RNF17: variants seen among roughly 807,000 people sequenced by gnomAD.
The protein encoded by RNF17 is spermatogenesis associated 23.
A neutral mutation model predicts 200.5 loss-of-function variants in RNF17; 31 were observed. The ratio of observed to expected loss-of-function variants is 0.15; its 90% CI spans 0.12 to 0.21. The LOEUF is 0.21. RNF17 is among the 10% of genes least tolerant of loss of function. RNF17 has a pLI of 1.00. For missense variants in RNF17, 1,628 were observed against 1,905.1 expected, an observed-to-expected ratio of 0.85 and a Z score of 2.71; for synonymous variants, 606 against 637.8, an observed-to-expected ratio of 0.95 and a Z score of 0.75.
chr13:24,780,102 ACT>A (rs1053169007), intron 5 of RNF17, among the ~76,000 whole-genome samples: 7 of 151,756 alleles, frequency 4.6e-5, no homozygotes, highest in Admixed American at 6.6e-5. Context: ...TCCAAAAGAG[ACT>A]CTCTCATTTG....
At chr13:24,832,067 T>G in intron 18 of RNF17, 89 bp downstream of exon 18, 1 of 949,860 alleles carries the variant, frequency 1.1e-6, no homozygotes, top group Non-Finnish European at 1.5e-6. Context: ...ATAAATTCAG[T>G]GTGCCATCAG....
chr13:24,795,594 C>G (rs996573662), intron 10 of RNF17, among the ~76,000 whole-genome samples: 1 of 152,150 alleles, frequency 6.6e-6, no homozygotes, highest in African/African-American at 2.4e-5. Context: ...ACGCATTCCC[C>G]TAAATGCTGC....
chr13:24,837,988 C>G (rs1222289875), intron 18 of RNF17, among the ~76,000 whole-genome samples: 1 of 152,022 alleles, frequency 6.6e-6, no homozygotes, highest in Non-Finnish European at 1.5e-5. Context: ...AATAACCTCG[C>G]TAAGAAATGA....
the RNF17 span, chr13:24,886,273 A>ATGTT: frequency 7.8e-7 from 1 of 1,281,642 alleles, no homozygotes; most frequent in Admixed American, 2.3e-5. Context: ...TCTGACCTCC[A>ATGTT]TGTTAAAAAG....
chr13:24,764,729 A>T (rs1879339116), intron 1 of RNF17, among the ~76,000 whole-genome samples: 1 of 152,194 alleles, frequency 6.6e-6, no homozygotes, highest in African/African-American at 2.4e-5. Context: ...TTGTTGTAGG[A>T]GTAACAAGTA....
chr13:24,864,670 G>C (rs1196610581), intron 28 of RNF17, among the ~76,000 whole-genome samples: 1 of 152,148 alleles, frequency 6.6e-6, no homozygotes, highest in Non-Finnish European at 1.5e-5. Context: ...ACTTGAAAGT[G>C]TATATTACAT....
At chr13:24,777,117 A>G (rs1881681144) in intron 3 of RNF17, among the ~76,000 whole-genome samples, 1 of 152,226 alleles carries the variant, frequency 6.6e-6, no homozygotes, top group African/African-American at 2.4e-5. Flanking sequence ...TTTTTAAATT[A>G]TAGTAATCCT....
chr13:24,761,770 C>T (rs942597565), upstream of RNF17, among the ~76,000 whole-genome samples: 1 of 152,130 alleles, frequency 6.6e-6, no homozygotes, highest in African/African-American at 2.4e-5. Context: ...TTGGTAAGTG[C>T]TAAGAAATGA....
intron 15 of RNF17, among the ~76,000 whole-genome samples, chr13:24,805,653 A>G (rs935221404): frequency 2.0e-5 from 3 of 152,154 alleles, no homozygotes; most frequent in South Asian, 2.1e-4. Context: ...TAATGCTGCT[A>G]TGGACACTGG....
intron 31 of RNF17, among the ~76,000 whole-genome samples, chr13:24,870,238 C>T (rs148806562): frequency 1.5e-4 from 23 of 152,092 alleles, no homozygotes; most frequent in Non-Finnish European, 2.6e-4. Context: ...TGAGCCACCG[C>T]GCCCGGCCTA....
At chr13:24,748,911 G>A in the RNF17 span, among the ~76,000 whole-genome samples, 2 of 151,926 alleles carry the variant, frequency 1.3e-5, no homozygotes, top group African/African-American at 4.8e-5. Context: ...CACCATGCCC[G>A]GCTAATTTTT....
downstream of RNF17, chr13:24,883,032 A>G (rs1953905637): frequency 2.9e-6 from 2 of 699,830 alleles, no homozygotes; most frequent in Non-Finnish European, 5.0e-6. Context: ...GAATATAAAA[A>G]TGAAGATGCC....
rs573338571 is a variant in RNF17 at position 24,783,751 on chromosome 13, A to C, written c.611+1807A>C. On this transcript the variant is annotated intron_variant, in intron 6 of 35. Coordinates refer to ENST00000255324, the MANE Select transcript of RNF17 (RefSeq NM_031277.3). The stretch of plus-strand genomic sequence containing the variant: ...TTTGCTGAATGCATTTATTAGCTTT[A>C]GTATTATTTTATGGCATCTTTAGGG... Among the ~76,000 whole-genome samples the C allele has an allele frequency of 5.3e-5, 8 of 152,212 alleles. No individual in the cohort carries two copies. In the South Asian group the frequency reaches 1.7e-3, roughly 32 times the overall value.
intron 15 of RNF17, among the ~76,000 whole-genome samples, chr13:24,806,674 T>C (rs1183316799): frequency 1.3e-5 from 2 of 152,022 alleles, no homozygotes; most frequent in Admixed American, 1.3e-4. Context: ...ATACTTTAAG[T>C]TTTAGGGTAC....
At chr13:24,833,633 AT>A (rs1436347338) in intron 18 of RNF17, among the ~76,000 whole-genome samples, 4 of 151,636 alleles carry the variant, frequency 2.6e-5, no homozygotes, top group Non-Finnish European at 3.0e-5. Flanking sequence ...TCACATAATT[AT>A]TTAATACCAG....
chr13:24,757,960 C>T, the RNF17 span, among the ~76,000 whole-genome samples: 1 of 152,090 alleles, frequency 6.6e-6, no homozygotes, highest in Non-Finnish European at 1.5e-5. Flanking sequence ...AATGGTTTAG[C>T]ACCGCCTCTT....
At chr13:24,857,382 TAG>T (rs1892624538) in intron 25 of RNF17, among the ~76,000 whole-genome samples, 1 of 152,174 alleles carries the variant, frequency 6.6e-6, no homozygotes, top group Admixed American at 6.5e-5. Flanking sequence ...AGTGATTATG[TAG>T]ACATCCTCAG....
At chr13:24,871,759 A>AATAGCTGTG (rs1894280576) in intron 32 of RNF17, among the ~76,000 whole-genome samples, 1 of 150,990 alleles carries the variant, frequency 6.6e-6, no homozygotes, top group African/African-American at 2.4e-5. Context: ...CAGCATCCCG[A>AATAGCTGTG]ATAGCTGTGA....
Position 24,845,043 on chromosome 13 carries a change from G to A in RNF17, c.3065G>A (p.Gly1022Glu). Residue 1022 changes from glycine (G) to glutamate (E), a missense_variant, in exon 22 of 36, where the codon GGA (glycine) becomes GAA (glutamate). By Grantham distance (98) the Gly-to-Glu change is moderately conservative (BLOSUM62 -2). This residue lies in a region of RNF17 where 227 missense variants were observed against 319.8 expected (regional missense o/e 0.71). Coordinates refer to ENST00000255324, the MANE Select transcript of RNF17 (RefSeq NM_031277.3). ...CTTGAAGAAAATCTAAAGACAATGG[G>A]AAGACTCTCTTTGGAATGTTCTCTG... The part of the protein sequence containing the change: ...RKLEENLKTM[G>E]RLSLECSLVD... 1.3e-6 allele frequency: 2 copies of A among 1,581,638 alleles called. No homozygotes were observed. The highest frequency in any genetic ancestry group is 1.7e-6 in the Non-Finnish European group (2 of 1,150,884).
Sources: allele counts gnomAD v4.1 joint callset (sites outside exome capture counted in the v4.1 genomes callset), GRCh38; gene constraint gnomAD v4.1.1; regional missense constraint gnomAD v4.1.1; transcripts MANE v1.5; gene names NCBI Gene and HGNC (gene_info 2026-07-23, HGNC 2026-07-21).